The following SRD5A2 variants were observed in gnomAD, a reference collection of about 807,000 sequenced individuals.
SRD5A2 encodes the protein 3-oxo-5-alpha-steroid 4-dehydrogenase 2.
A neutral mutation model predicts 27.4 loss-of-function variants in SRD5A2; 30 were observed. The ratio of observed to expected loss-of-function variants is 1.10; its 90% CI spans 0.82 to 1.49. SRD5A2 has a LOEUF of 1.49. Ranked by LOEUF, SRD5A2 falls within the 40% of genes most tolerant of loss-of-function variation. SRD5A2 has a pLI of 0.00. For synonymous variants in SRD5A2, 141 were observed against 133.6 expected (o/e 1.06, Z -0.38); for missense variants, 348 against 323.4 (o/e 1.08, Z -0.58).
the SRD5A2 span, among the ~76,000 whole-genome samples, chr2:31,593,554 AAACAT>A: frequency 6.6e-6 from 1 of 152,218 alleles, no homozygotes; most frequent in African/African-American, 2.4e-5. Context: ...TTAAACAACC[AAACAT>A]AAGAATAATT....
intron 1 of SRD5A2, among the ~76,000 whole-genome samples, chr2:31,538,142 A>T (rs897782456): frequency 1.1e-4 from 17 of 152,174 alleles, no homozygotes; most frequent in Non-Finnish European, 2.2e-4. Context: ...GCAACCTCCT[A>T]CTATGCCCCT....
chr2:31,637,740 AC>A, the SRD5A2 span, among the ~76,000 whole-genome samples: 1 of 152,004 alleles, frequency 6.6e-6, no homozygotes, highest in South Asian at 2.1e-4. Context: ...AAAACCAAGA[AC>A]CCTCCCAAGC....
At position 31,580,551 on chromosome 2, in the gene SRD5A2, C is replaced by T. The variant is rs1349978210; in HGVS notation, c.281+69G>A. The T allele has an allele frequency of 4.9e-6, 7 of 1,422,342 alleles. No homozygotes were observed. In the Admixed American group the frequency reaches 8.4e-5, roughly 17 times the overall value. The allele number at this position is 1,422,342 out of a possible 1,614,324, so 88.1% of individuals were successfully genotyped here. On this transcript the variant is annotated intron_variant, in intron 1 of 4. Coordinates refer to ENST00000622030, the MANE Select transcript of SRD5A2 (RefSeq NM_000348.4). ...TTGGCGTTCCTCGGTGCGCGCTCCA[C>T]GCTGCGCTCCTGGACGCCGGGAGCA...
At chr2:31,604,998 A>T in the SRD5A2 span, among the ~76,000 whole-genome samples, 1 of 151,802 alleles carries the variant, frequency 6.6e-6, no homozygotes, top group South Asian at 2.1e-4. Context: ...AACAAATCCC[A>T]CACACCTACA....
At chr2:31,543,388 G>A (rs573230336) in intron 1 of SRD5A2, among the ~76,000 whole-genome samples, 4 of 152,052 alleles carry the variant, frequency 2.6e-5, no homozygotes, top group African/African-American at 9.7e-5. Flanking sequence ...TAAACATAGG[G>A]ACATTGTAAA....
chr2:31,569,677 C>CAAAAAA (rs11421066), intron 1 of SRD5A2, among the ~76,000 whole-genome samples: 2 of 138,576 alleles, frequency 1.4e-5, no homozygotes, highest in Non-Finnish European at 3.1e-5. Context: ...AAACAAAAAA[C>CAAAAAA]AAAAAAAAAA....
chr2:31,648,012 G>A, the SRD5A2 span, among the ~76,000 whole-genome samples: 1 of 152,148 alleles, frequency 6.6e-6, no homozygotes, highest in African/African-American at 2.4e-5. Flanking sequence ...GAATTGTTGA[G>A]CCAAAGACTG....
the SRD5A2 span, among the ~76,000 whole-genome samples, chr2:31,641,781 A>G: frequency 6.6e-6 from 1 of 152,128 alleles, no homozygotes; most frequent in Admixed American, 6.5e-5. Context: ...CCTGGGGGAA[A>G]AAAACAACAC....
At chr2:31,637,894 G>C in the SRD5A2 span, among the ~76,000 whole-genome samples, 2 of 151,876 alleles carry the variant, frequency 1.3e-5, no homozygotes, top group South Asian at 4.2e-4. Flanking sequence ...AATTTTTATT[G>C]CATTGATCTA....
At chr2:31,563,655 G>A (rs918008270) in intron 1 of SRD5A2, among the ~76,000 whole-genome samples, 1 of 152,032 alleles carries the variant, frequency 6.6e-6, no homozygotes, top group Non-Finnish European at 1.5e-5. Flanking sequence ...AGAGACACAC[G>A]GAGACCTGCA....
At chr2:31,647,892 C>CT in the SRD5A2 span, among the ~76,000 whole-genome samples, 6 of 152,144 alleles carry the variant, frequency 3.9e-5, no homozygotes, top group Non-Finnish European at 8.8e-5. Context: ...CTGGATGTGT[C>CT]TAATTTTTTT....
the SRD5A2 span, among the ~76,000 whole-genome samples, chr2:31,635,656 T>C: frequency 6.6e-6 from 1 of 152,104 alleles, no homozygotes; most frequent in Non-Finnish European, 1.5e-5. Flanking sequence ...AGAACATTTC[T>C]CCATTATTTT....
chr2:31,562,460 T>C (rs1304770605), intron 1 of SRD5A2, among the ~76,000 whole-genome samples: 1 of 152,158 alleles, frequency 6.6e-6, no homozygotes. Context: ...CTGTATCAAA[T>C]ACTAGAACTT....
the SRD5A2 span, among the ~76,000 whole-genome samples, chr2:31,602,333 T>C: frequency 1.3e-5 from 2 of 151,824 alleles, no homozygotes; most frequent in African/African-American, 4.8e-5. Flanking sequence ...AAGAATAAAA[T>C]GCCTAGAAAT....
chr2:31,584,947 C>A (rs568584513), upstream of SRD5A2, among the ~76,000 whole-genome samples: 1 of 152,220 alleles, frequency 6.6e-6, no homozygotes, highest in Non-Finnish European at 1.5e-5. Flanking sequence ...CCCTCCATCA[C>A]ACCCTGGCAG....
At chr2:31,634,781 G>A in the SRD5A2 span, among the ~76,000 whole-genome samples, 4 of 151,908 alleles carry the variant, frequency 2.6e-5, no homozygotes, top group South Asian at 4.2e-4. Flanking sequence ...GAGATCATGC[G>A]ATATTTGTTT....
At chr2:31,560,519 T>C (rs920143315) in intron 1 of SRD5A2, among the ~76,000 whole-genome samples, 4 of 152,258 alleles carry the variant, frequency 2.6e-5, no homozygotes, top group Non-Finnish European at 4.4e-5. Flanking sequence ...GATTTCAGGC[T>C]CCTGGCCTTT....
At chr2:31,611,488 C>A in the SRD5A2 span, among the ~76,000 whole-genome samples, 2 of 152,068 alleles carry the variant, frequency 1.3e-5, no homozygotes, top group African/African-American at 4.8e-5. Flanking sequence ...AGAATGCTTA[C>A]AAATTAAAAT....
intron 1 of SRD5A2, among the ~76,000 whole-genome samples, chr2:31,551,347 T>C (rs1379330193): frequency 6.6e-6 from 1 of 152,122 alleles, no homozygotes; most frequent in Non-Finnish European, 1.5e-5. Flanking sequence ...AATTCTAAAA[T>C]GTACACATGC....
Sources: allele counts gnomAD v4.1 joint callset (sites outside exome capture counted in the v4.1 genomes callset), GRCh38; gene constraint gnomAD v4.1.1; transcripts MANE v1.5; gene names NCBI Gene and HGNC (gene_info 2026-07-23, HGNC 2026-07-21).